The following MGST1 variants were observed in gnomAD, a reference collection of about 807,000 sequenced individuals.
The protein encoded by MGST1 is glutathione S-transferase 12.
A neutral mutation model predicts 8.9 loss-of-function variants in MGST1; 5 were observed. That is an observed-to-expected ratio of 0.56 (90% CI 0.29 to 1.19). The LOEUF (loss-of-function observed/expected upper bound fraction) is 1.19. MGST1 is among the 50% of genes most tolerant of loss of function. The pLI is 0.08. For synonymous variants in MGST1, 54 were observed against 67.8 expected (o/e 0.80, Z 1.00); for missense variants, 182 against 187.4 (o/e 0.97, Z 0.17).
chr12:16,515,177 G>T (rs1941604014), intron 4 of MGST1, among the ~76,000 whole-genome samples: 1 of 152,158 alleles, frequency 6.6e-6, no homozygotes, highest in African/African-American at 2.4e-5. Context: ...CAATGAGTCT[G>T]CTGCCACTAC....
chr12:16,412,035 A>G (rs1277801811), intron 1 of MGST1, among the ~76,000 whole-genome samples: 1 of 152,186 alleles, frequency 6.6e-6, no homozygotes. Context: ...GTAAACTATT[A>G]AAAAAATTAG....
Position 16,402,524 on chromosome 12 carries a change from T to A in MGST1, n.778+18920T>A, listed in dbSNP as rs191784855. The stretch of plus-strand genomic sequence containing the variant: ...TCCCGCACTCTTATTCTTGGTTAGA[T>A]TTATAATAAGCTACTAACACTTCTT... On this transcript the variant is annotated intron_variant and non_coding_transcript_variant, in intron 1 of 1. Transcript: ENST00000359720. 2,590 of 990,098 alleles carry A rather than the reference T, an allele frequency of 2.6e-3. 46 individuals are homozygous for A. The highest frequency in any genetic ancestry group is 0.026 in the South Asian group (1,729 of 67,152). The allele number at this position is 990,098 out of a possible 1,614,324, so 61.3% of individuals were successfully genotyped here.
intron 4 of MGST1, among the ~76,000 whole-genome samples, chr12:16,535,899 T>G (rs1026585124): frequency 2.0e-5 from 3 of 152,202 alleles, no homozygotes. Flanking sequence ...GTATTTTAAG[T>G]TTCTTATTCA....
chr12:16,517,339 G>T lies in MGST1; in HGVS notation n.483-72189G>T, dbSNP rs557219043. Among the ~76,000 whole-genome samples the T allele has an allele frequency of 5.9e-5, 9 of 152,174 alleles. No homozygotes were observed. The highest frequency in any genetic ancestry group is 1.0e-4 in the Non-Finnish European group (7 of 68,034). ...TAAGTCATAAGTTCTCTCCCCTTATGAATAGAATAATGTTGTTATCACAGG... is the reference window on the plus strand; with the variant it reads ...TAAGTCATAAGTTCTCTCCCCTTATTAATAGAATAATGTTGTTATCACAGG... On this transcript the variant is annotated intron_variant and non_coding_transcript_variant, in intron 4 of 4. Transcript: ENST00000538857. This position sits in a 1 kb window ranked among gnomAD's most constrained non-coding sequence, Gnocchi z 4.2.
In MGST1 at chr12:16,401,595, C is replaced by A. The variant is rs1200747584; in HGVS notation, n.778+17991C>A. ...GGAGCAATAAGACTCGAAGCGAATACCCATGGCACAAGTGATAGCCCCAAA... is the reference window on the plus strand; with the variant it reads ...GGAGCAATAAGACTCGAAGCGAATAACCATGGCACAAGTGATAGCCCCAAA... On this transcript the variant is annotated intron_variant and non_coding_transcript_variant, in intron 1 of 1. Coordinates refer to the MGST1 transcript ENST00000359720. This position sits in a 1 kb window ranked among gnomAD's most constrained non-coding sequence, Gnocchi z 4.3. 2.1e-6 allele frequency: 3 copies of A among 1,445,972 alleles called. No homozygotes were observed. Among genetic ancestry groups the A allele is most frequent in the African/African-American group, 2.8e-5 (2 of 71,562 alleles). The allele number at this position is 1,445,972 out of a possible 1,614,324, so 89.6% of individuals were successfully genotyped here. A position where few individuals can be genotyped will look rare whatever the true frequency, so the allele number is the denominator to read the frequency against.
intron 1 of MGST1, chr12:16,400,440 T>TTTCAGTTTGGAATTACTCCAG: frequency 1.2e-6 from 1 of 807,698 alleles, no homozygotes; most frequent in Non-Finnish European, 2.2e-6. Flanking sequence ...TGTATAGATC[T>TTTCAGTTTGGAATTACTCCAG]TTCAGTTTGG....
At chr12:16,535,454 A>G (rs376977342) in intron 4 of MGST1, among the ~76,000 whole-genome samples, 3 of 152,176 alleles carry the variant, frequency 2.0e-5, no homozygotes, top group East Asian at 1.9e-4. Context: ...ATAACTCACA[A>G]TTGTGCTGGA....
At chr12:16,592,357 G>T (rs768969763), downstream of MGST1, among the ~76,000 whole-genome samples, 19 of 151,960 alleles carry the variant, frequency 1.3e-4, no homozygotes, top group Non-Finnish European at 1.6e-4. Flanking sequence ...AATGGTCACA[G>T]AAAATACTGG....
intron 4 of MGST1, among the ~76,000 whole-genome samples, chr12:16,509,223 T>C (rs1941560248): frequency 6.6e-6 from 1 of 152,176 alleles, no homozygotes; most frequent in Non-Finnish European, 1.5e-5. Context: ...TAATGAAATA[T>C]AACATAGTTA....
downstream of MGST1, among the ~76,000 whole-genome samples, chr12:16,441,055 T>C (rs892663919): frequency 6.6e-6 from 1 of 151,924 alleles, no homozygotes; most frequent in African/African-American, 2.4e-5. Flanking sequence ...ACTTCTTATT[T>C]TTTTCCTACT....
rs1402669014 is a variant in MGST1, at chr12:16,458,694, A to G, written n.482+75090A>G. Among the ~76,000 whole-genome samples the G allele has an allele frequency of 6.6e-6, 1 of 152,038 alleles. No homozygotes were observed. Among genetic ancestry groups the G allele is most frequent in the Admixed American group, 6.6e-5 (1 of 15,238 alleles). ...GCAGTTGAGTATTTATATGAGAGTT[A>G]TTGTGACTCATATCATCATTTTACT... On this transcript the variant is annotated intron_variant and non_coding_transcript_variant, in intron 4 of 4. Coordinates refer to the MGST1 transcript ENST00000538857. This position sits in a 1 kb window ranked among gnomAD's most constrained non-coding sequence, Gnocchi z 4.0.
intron 4 of MGST1, among the ~76,000 whole-genome samples, chr12:16,467,949 A>G (rs1017283920): frequency 2.6e-5 from 4 of 152,174 alleles, no homozygotes; most frequent in Non-Finnish European, 5.9e-5. Context: ...ATGGTCTTTT[A>G]AAAGAGGCCT....
intron 4 of MGST1, among the ~76,000 whole-genome samples, chr12:16,469,670 C>G (rs574921293): frequency 6.6e-6 from 1 of 152,320 alleles, no homozygotes; most frequent in South Asian, 2.1e-4. Context: ...GCAAAATTCA[C>G]TAAGGCTGTG....
At chr12:16,356,983 A>C (rs572018588) in intron 2 of MGST1, among the ~76,000 whole-genome samples, 2 of 152,362 alleles carry the variant, frequency 1.3e-5, no homozygotes, top group Non-Finnish European at 2.9e-5. Flanking sequence ...GATACCAGTG[A>C]ACCATACTAA....
At chr12:16,463,152 C>T (rs924196243) in intron 4 of MGST1, among the ~76,000 whole-genome samples, 1 of 152,080 alleles carries the variant, frequency 6.6e-6, no homozygotes, top group Non-Finnish European at 1.5e-5. Flanking sequence ...GAGACTAATA[C>T]TGCTTACCTC....
intron 3 of MGST1, among the ~76,000 whole-genome samples, chr12:16,360,852 C>T (rs1489112923): frequency 6.6e-6 from 1 of 152,134 alleles, no homozygotes; most frequent in Non-Finnish European, 1.5e-5. Flanking sequence ...TGATGTCCCT[C>T]GTGGCCCCAG....
At chr12:16,440,856 G>C (rs1435630376), downstream of MGST1, among the ~76,000 whole-genome samples, 1 of 151,772 alleles carries the variant, frequency 6.6e-6, no homozygotes, top group African/African-American at 2.4e-5. Flanking sequence ...GAGAGTTCTA[G>C]TTTCTCCAGA....
At chr12:16,558,687 G>A (rs1165446908) in intron 4 of MGST1, among the ~76,000 whole-genome samples, 1 of 152,044 alleles carries the variant, frequency 6.6e-6, no homozygotes, top group Non-Finnish European at 1.5e-5. Context: ...GACTGTCTGG[G>A]TAACTATTAC....
At chr12:16,399,549 T>C in intron 1 of MGST1, 1 of 1,562,890 alleles carries the variant, frequency 6.4e-7, no homozygotes, top group East Asian at 2.2e-5. Flanking sequence ...TTCATCACTG[T>C]CCTCCTCTTC....
Sources: gnomAD v4.1 joint callset for allele counts (sites outside exome capture counted in the v4.1 genomes callset) on GRCh38, gnomAD v4.1.1 for gene constraint, Gnocchi (gnomAD v3.1) non-coding constraint, MANE v1.5 for transcripts, NCBI Gene and HGNC (gene_info 2026-07-23, HGNC 2026-07-21) for gene names.